The following PCID2 variants were observed in gnomAD, a reference collection of about 807,000 sequenced individuals.
PCID2 encodes PCI domain containing 2.
In PCID2, 41 loss-of-function variants were observed where a neutral mutation model predicts 61.3. That is an observed-to-expected ratio of 0.67 (90% confidence interval 0.52 to 0.87). The LOEUF (loss-of-function observed/expected upper bound fraction) is 0.87. Among genes scored for constraint, PCID2 ranks in the 40% least tolerant of loss-of-function variants. The pLI is 0.00. For synonymous variants in PCID2, 187 were observed against 177.8 expected (o/e 1.05, Z -0.41); for missense variants, 392 against 493.4 (o/e 0.79, Z 1.95).
rs569749839 is a variant in PCID2, at chr13:113,195,986, T to C, written c.308+195A>G. 2.6e-5 allele frequency among the ~76,000 whole-genome samples: 4 copies of C among 152,324 alleles called. No homozygotes were observed. In the South Asian group the frequency reaches 8.3e-4, roughly 32 times the overall value. On this transcript the variant is annotated intron_variant, in intron 5 of 13. Coordinates refer to ENST00000337344, the MANE Select transcript of PCID2 (RefSeq NM_001127202.4). The stretch of plus-strand genomic sequence containing the variant: ...ATTGACATAGACACACTGCAAACAA[T>C]GTGGCTGATCTACCATTTCAGTTTA...
intron 1 of PCID2, among the ~76,000 whole-genome samples, chr13:113,206,877 T>G (rs2039893923): frequency 6.6e-6 from 1 of 152,190 alleles, no homozygotes; most frequent in South Asian, 2.1e-4. Context: ...CTCTACTTGT[T>G]CCCTGGGTCA....
Position 113,181,219 on chromosome 13 carries a change from G to C in PCID2, c.697C>G (p.Leu233Val). 1.2e-6 allele frequency: 2 copies of C among 1,611,774 alleles called. No homozygotes were observed. The highest frequency in any genetic ancestry group is 1.7e-5 in the Admixed American group (1 of 60,024). The change falls in exon 10 of 14, where the codon CTG becomes GTG. Residue 233 changes from leucine to valine, a missense_variant. By Grantham distance (32) the Leu-to-Val change is conservative. This residue lies in a region of PCID2 where 226 missense variants were observed against 296.5 expected (regional missense o/e 0.76). Transcript: ENST00000337344. ...TGACAATGCTCAAAGGCAAATGACAGGTACTCCTCAGCTGCAAAGAAGGCA... is the reference window on the plus strand; with the variant it reads ...TGACAATGCTCAAAGGCAAATGACACGTACTCCTCAGCTGCAAAGAAGGCA... ...DSDFKQAEEYLSFAFEHCHRS... is the reference protein window; with the variant it reads ...DSDFKQAEEYVSFAFEHCHRS...
chr13:113,168,551 C>G, the PCID2 span, among the ~76,000 whole-genome samples: 1 of 152,316 alleles, frequency 6.6e-6, no homozygotes, highest in African/African-American at 2.4e-5. Context: ...ATGTCCTTAC[C>G]TGTGGCACTT....
intron 7 of PCID2, chr13:113,186,500 G>T: frequency 6.6e-6 from 1 of 151,016 alleles, no homozygotes; most frequent in Non-Finnish European, 1.5e-5. Flanking sequence ...ATGTGAGATG[G>T]GGCCCTACGG....
downstream of PCID2, among the ~76,000 whole-genome samples, chr13:113,176,636 A>G (rs377625362): frequency 8.7e-5 from 12 of 138,142 alleles, no homozygotes; most frequent in East Asian, 2.4e-3. Context: ...GGTGGCATGC[A>G]CCTGTGCTCC....
chr13:113,208,653 A>G lies in PCID2; in HGVS notation c.-19T>C. 1 of 1,604,206 alleles carries G rather than the reference A, an allele frequency of 6.2e-7. No individual in the cohort carries two copies. Among genetic ancestry groups the G allele is most frequent in the African/African-American group, 1.3e-5 (1 of 74,528 alleles). ...GCGCCATGGGAGCGCCGCCGAACGG[A>G]GAGCGCCACCCCCTACGCCTCAAGC... is the stretch of plus-strand genomic sequence containing the variant. On this transcript the variant is annotated 5_prime_UTR_variant, in exon 1 of 14. Coordinates refer to ENST00000337344, the MANE Select transcript of PCID2 (RefSeq NM_001127202.4).
intron 2 of PCID2, among the ~76,000 whole-genome samples, chr13:113,199,543 CGAAA>C (rs2039263742): frequency 6.6e-6 from 1 of 152,144 alleles, no homozygotes; most frequent in Non-Finnish European, 1.5e-5. Flanking sequence ...ATGAAACCAC[CGAAA>C]GAAAGTTTAC....
At chr13:113,176,973 C>T (rs539101735), downstream of PCID2, among the ~76,000 whole-genome samples, 86 of 152,298 alleles carry the variant, frequency 5.6e-4, 2 homozygotes, top group Non-Finnish European at 1.0e-4. Flanking sequence ...GATGGCAGCC[C>T]CAACAGCCCA....
intron 1 of PCID2, chr13:113,208,353 C>T (rs1257273755): frequency 7.0e-7 from 1 of 1,433,134 alleles, no homozygotes. Context: ...CTACTTACAC[C>T]GCGACGACTC....
chr13:113,191,020 T>C (rs773347205), intron 6 of PCID2, 45 bp from the exon 7 acceptor site: 26 of 1,431,678 alleles, frequency 1.8e-5, no homozygotes, highest in Non-Finnish European at 2.4e-5. Context: ...CGAAGCAAGA[T>C]CTTGCTGTGT....
the PCID2 span, chr13:113,171,497 C>T: frequency 1.3e-6 from 2 of 1,518,208 alleles, no homozygotes; most frequent in African/African-American, 1.4e-5. The surrounding 1 kb of genome is among the most constrained non-coding windows in gnomAD (Gnocchi z 5.1). Context: ...CAGGGCCGGT[C>T]TCTCCCTCCT....
At chr13:113,167,188 G>A in the PCID2 span, among the ~76,000 whole-genome samples, 1 of 152,160 alleles carries the variant, frequency 6.6e-6, no homozygotes, top group Admixed American at 6.5e-5. Flanking sequence ...CTAAAAGTCT[G>A]GCAGACTGAT....
At chr13:113,181,018 C>T in intron 10 of PCID2, 112 bp downstream of exon 10, 2 of 719,170 alleles carry the variant, frequency 2.8e-6, no homozygotes, top group Non-Finnish European at 5.0e-6. Flanking sequence ...TGCTCATACA[C>T]AGCTCAGGCT....
downstream of PCID2, among the ~76,000 whole-genome samples, chr13:113,175,297 C>T (rs986728229): frequency 3.3e-5 from 5 of 152,154 alleles, no homozygotes; most frequent in African/African-American, 1.2e-4. Context: ...GAATAACCAT[C>T]CAATTACCTT....
intron 4 of PCID2, 63 bp downstream of exon 4, chr13:113,197,115 A>G (rs1483163263): frequency 2.5e-6 from 4 of 1,614,060 alleles, no homozygotes; most frequent in East Asian, 2.2e-5. Flanking sequence ...CCGGGTCTCA[A>G]GTCCCAAGTA....
At chr13:113,183,874 T>C (rs768813658) in intron 9 of PCID2, 51 of 985,336 alleles carry the variant, frequency 5.2e-5, no homozygotes, top group Non-Finnish European at 6.1e-5. Flanking sequence ...AGCGACACAC[T>C]GCACGAGGCT....
the PCID2 span, chr13:113,166,477 C>CAAGA: frequency 6.6e-6 from 1 of 152,098 alleles, no homozygotes; most frequent in South Asian, 2.1e-4. Flanking sequence ...TCAGTTTCAC[C>CAAGA]CGACTCTTAC....
the PCID2 span, chr13:113,171,776 C>T: frequency 1.9e-3 from 3,142 of 1,612,786 alleles, 38 homozygotes; most frequent in South Asian, 0.02. The surrounding 1 kb of genome is among the most constrained non-coding windows in gnomAD (Gnocchi z 5.1). Context: ...TGAGCACCTC[C>T]TCATCCCACG....
intron 7 of PCID2, chr13:113,185,847 T>A (rs1358121248): frequency 6.7e-6 from 2 of 300,306 alleles, no homozygotes; most frequent in Non-Finnish European, 1.2e-5. Flanking sequence ...AACTGCCTCA[T>A]TTGCAGCAAC....
Sources: allele counts gnomAD v4.1 joint callset (sites outside exome capture counted in the v4.1 genomes callset), GRCh38; gene constraint gnomAD v4.1.1; regional missense constraint gnomAD v4.1.1; non-coding constraint Gnocchi (gnomAD v3.1); transcripts MANE v1.5; gene names NCBI Gene and HGNC (gene_info 2026-07-23, HGNC 2026-07-21).